The following MYPOP variants were observed in gnomAD, a reference collection of about 807,000 sequenced individuals.
The protein encoded by MYPOP is Myb related transcription factor, partner of profilin, also known as myb-related transcription factor, partner of profilin.
MYPOP carries 21 observed loss-of-function variants against 25.7 expected under a neutral mutation model. The observed-to-expected ratio is 0.82, with a 90% CI of 0.58 to 1.18. MYPOP has a LOEUF of 1.18. MYPOP is among the 50% of genes most tolerant of loss of function. The pLI is 0.00. For missense variants in MYPOP, 566 were observed against 588.3 expected (o/e 0.96, Z 0.39); for synonymous variants, 280 against 247.9 (o/e 1.13, Z -1.22).
intron 2 of MYPOP, 116 bp from the exon 3 acceptor site, chr19:45,891,439 C>G: frequency 8.1e-7 from 1 of 1,227,468 alleles, no homozygotes; most frequent in Admixed American, 3.2e-5. Context: ...ATCCTTCTCA[C>G]CCCCGCCCCC....
rs999018112 is a variant in MYPOP, at chr19:45,901,174, G to A, written c.499+101C>T. The stretch of plus-strand genomic sequence containing the variant: ...AGTTTCCCTAGCTATAAAATGGGGC[G>A]AAGGACAGCATCCACCTCACAGGGC... On this transcript the variant is annotated intron_variant, in intron 2 of 2. Coordinates refer to ENST00000322217, the MANE Select transcript of MYPOP (RefSeq NM_001012643.4). This position sits in a 1 kb window ranked among gnomAD's most constrained non-coding sequence, Gnocchi z 5.7. 4 of 1,143,758 alleles carry A rather than the reference G, an allele frequency of 3.5e-6. No homozygotes were observed. The highest frequency in any genetic ancestry group is 1.6e-5 in the African/African-American group (1 of 61,674). The allele number at this position is 1,143,758 out of a possible 1,614,324, so 70.9% of individuals were successfully genotyped here. A position where few individuals can be genotyped will look rare whatever the true frequency, so the allele number is the denominator to read the frequency against.
chr19:45,892,282 G>A (rs1232414725), intron 2 of MYPOP, among the ~76,000 whole-genome samples: 1 of 152,192 alleles, frequency 6.6e-6, no homozygotes, highest in African/African-American at 2.4e-5. Flanking sequence ...GCTGGATCCT[G>A]AGGAAGTGAG....
intron 2 of MYPOP, among the ~76,000 whole-genome samples, chr19:45,892,838 C>T (rs1568642215): frequency 6.6e-6 from 1 of 152,240 alleles, no homozygotes; most frequent in Non-Finnish European, 1.5e-5. Flanking sequence ...GGGCTCTCTG[C>T]TTCCACCCCT....
Position 45,890,967 on chromosome 19 carries a change from T to A in MYPOP, c.856A>T (p.Lys286Ter). 1 of 1,487,194 alleles carries A rather than the reference T, an allele frequency of 6.7e-7. No homozygotes were observed. The allele number at this position is 1,487,194 out of a possible 1,614,324, so 92.1% of individuals were successfully genotyped here. Residue 286 changes from lysine to a stop codon, truncating the protein, a stop_gained, in exon 3 of 3, where the codon AAA (lysine) becomes TAA (stop). Transcript: ENST00000322217. LOFTEE classifies it high-confidence loss of function. ...AGAGCGCTGAGGGCCTCGCTCAGTT[T>A]GGCCAGTCCCTGTCGAAGGGTGCCG... ...LAGTLRQGLA[K>*]LSEALSALLP...
Position 45,891,040 on chromosome 19 carries a change from G to A in MYPOP, c.783C>T (p.Asp261=). The A allele has an allele frequency of 6.6e-7, 1 of 1,520,152 alleles. No homozygotes were observed. Among genetic ancestry groups the A allele is most frequent in the African/African-American group, 1.4e-5 (1 of 71,608 alleles). 94.2% of individuals were successfully genotyped at this position (1,520,152 alleles called of 1,614,324 possible). A position where few individuals can be genotyped will look rare whatever the true frequency, so the allele number is the denominator to read the frequency against. The change falls in exon 3 of 3, where the codon GAC becomes GAT. Residue 261 remains aspartate, a synonymous_variant. Transcript: ENST00000322217. ...CAGTCTCCTGCTGGGCCCGCAGGAAGTCCAGGGAGGGGTCTGAGGCCGAGA... is the reference window on the plus strand; with the variant it reads ...CAGTCTCCTGCTGGGCCCGCAGGAAATCCAGGGAGGGGTCTGAGGCCGAGA... ...PTLSASDPSL[D]FLRAQQETAN...
chr19:45,901,662 G>C lies in MYPOP; in HGVS notation c.112C>G (p.Gln38Glu). The C allele has an allele frequency of 1.2e-6, 2 of 1,609,624 alleles. No individual in the cohort carries two copies. The highest frequency in any genetic ancestry group is 2.2e-5 in the East Asian group (1 of 44,720). Reference sequence around the variant, plus strand: ...CGACGGCTCTGCGCGCCGTAGAGCTGCGGGTAGTGGGCGCGCACCTCGCGG... The same window carrying C: ...CGACGGCTCTGCGCGCCGTAGAGCTCCGGGTAGTGGGCGCGCACCTCGCGG... ...LIREVRAHYPQLYGAQSRRVS... is the reference protein window; with the variant it reads ...LIREVRAHYPELYGAQSRRVS... The change falls in exon 2 of 3, where the codon CAG becomes GAG. Residue 38 changes from glutamine (Q) to glutamate (E), a missense_variant. By Grantham distance (29) the Gln-to-Glu change is conservative. Coordinates refer to ENST00000322217, the MANE Select transcript of MYPOP (RefSeq NM_001012643.4). The surrounding 1 kb of genome is among the most constrained non-coding windows in gnomAD (Gnocchi z 5.7).
Position 45,891,467 on chromosome 19 carries a change from T to C in MYPOP, c.500-144A>G, listed in dbSNP as rs1213491551. On this transcript the variant is annotated intron_variant, in intron 2 of 2. Coordinates refer to ENST00000322217, the MANE Select transcript of MYPOP (RefSeq NM_001012643.4). ...CCGCCCCCCAGCCCCAAGACAGTCT[T>C]GGTCTGTCACCCAGGCTGTAGTGCA... The C allele has an allele frequency of 4.0e-6, 4 of 1,005,606 alleles. No homozygotes were observed. In the African/African-American group the frequency reaches 5.2e-5, roughly 13 times the overall value. 62.3% of individuals were successfully genotyped at this position (1,005,606 alleles called of 1,614,324 possible). A position where few individuals can be genotyped will look rare whatever the true frequency, so the allele number is the denominator to read the frequency against.
chr19:45,890,479 A>G lies in MYPOP; in HGVS notation c.*144T>C. The G allele has an allele frequency of 9.7e-6, 13 of 1,339,232 alleles. No homozygotes were observed. Among genetic ancestry groups the G allele is most frequent in the South Asian group, 1.5e-5 (1 of 64,894 alleles). The allele number at this position is 1,339,232 out of a possible 1,614,324, so 83.0% of individuals were successfully genotyped here. On this transcript the variant is annotated 3_prime_UTR_variant, in exon 3 of 3. Coordinates refer to ENST00000322217, the MANE Select transcript of MYPOP (RefSeq NM_001012643.4). ...TTACTGAGGCCCCCCCCAGAGAATC[A>G]GGCACTAACTAGCACAGGGAGTGGG...
chr19:45,892,574 C>T (rs1039552243), intron 2 of MYPOP, among the ~76,000 whole-genome samples: 13 of 152,138 alleles, frequency 8.5e-5, no homozygotes, highest in South Asian at 4.1e-4. Flanking sequence ...CTCACTTGCT[C>T]GGAGCTGGGC....
At chr19:45,899,286 T>C (rs1228030513) in intron 2 of MYPOP, among the ~76,000 whole-genome samples, 1 of 152,102 alleles carries the variant, frequency 6.6e-6, no homozygotes, top group African/African-American at 2.4e-5. Context: ...GGAAGGGGAT[T>C]TTGTCTTTTT....
At chr19:45,895,255 CT>C (rs1369074220) in intron 2 of MYPOP, among the ~76,000 whole-genome samples, 42 of 150,540 alleles carry the variant, frequency 2.8e-4, no homozygotes, top group Admixed American at 2.8e-3. Context: ...TACTTCTTTT[CT>C]TTTTTTTGAG....
Position 45,901,823 on chromosome 19 carries a change from G to C in MYPOP, c.-50C>G. The C allele has an allele frequency of 7.5e-7, 1 of 1,335,738 alleles. No individual in the cohort carries two copies. Among genetic ancestry groups the C allele is most frequent in the South Asian group, 1.8e-5 (1 of 55,324 alleles). 82.7% of individuals were successfully genotyped at this position (1,335,738 alleles called of 1,614,324 possible). ...GCCGTCTGGCGCATGGGGGGCGCCGGCGCTGCGGGCAAAGGGCGCACGGGG... is the reference window on the plus strand; with the variant it reads ...GCCGTCTGGCGCATGGGGGGCGCCGCCGCTGCGGGCAAAGGGCGCACGGGG... On this transcript the variant is annotated splice_region_variant and 5_prime_UTR_variant, in exon 2 of 3. Coordinates refer to ENST00000322217, the MANE Select transcript of MYPOP (RefSeq NM_001012643.4). The surrounding 1 kb of genome is among the most constrained non-coding windows in gnomAD (Gnocchi z 5.7).
At chr19:45,899,834 C>G (rs12462381) in intron 2 of MYPOP, among the ~76,000 whole-genome samples, 31,382 of 152,108 alleles carry the variant, frequency 0.21, 4,130 homozygotes, top group Non-Finnish European at 0.26. Context: ...GAGCAAGACT[C>G]CGTCTCAAAA....
At chr19:45,898,734 T>A (rs1028577967) in intron 2 of MYPOP, among the ~76,000 whole-genome samples, 4 of 152,108 alleles carry the variant, frequency 2.6e-5, no homozygotes, top group African/African-American at 9.7e-5. Context: ...CAGATGTCTG[T>A]CAGGCCTACT....
At position 45,901,255 on chromosome 19, in the gene MYPOP, C is replaced by T. The variant is rs1371232657; in HGVS notation, c.499+20G>A. ...GGCTTGCAACAGCGCAGGCACACAGCCTACTCTGAAGACACTCACCTGCAC... is the reference window on the plus strand; with the variant it reads ...GGCTTGCAACAGCGCAGGCACACAGTCTACTCTGAAGACACTCACCTGCAC... On this transcript the variant is annotated intron_variant, in intron 2 of 2. Coordinates refer to ENST00000322217, the MANE Select transcript of MYPOP (RefSeq NM_001012643.4). The surrounding 1 kb of genome is among the most constrained non-coding windows in gnomAD (Gnocchi z 5.7). The T allele has an allele frequency of 2.2e-5, 32 of 1,433,092 alleles. No homozygotes were observed. The highest frequency in any genetic ancestry group is 2.7e-5 in the Non-Finnish European group (30 of 1,093,206). 88.8% of individuals were successfully genotyped at this position (1,433,092 alleles called of 1,614,324 possible).
chr19:45,898,511 C>CG (rs1967240545), intron 2 of MYPOP, among the ~76,000 whole-genome samples: 1 of 151,824 alleles, frequency 6.6e-6, no homozygotes, highest in South Asian at 2.1e-4. Context: ...TTAGTAGAGA[C>CG]GGGGTTTCTC....
rs546191503 is a variant in MYPOP at position 45,894,209 on chromosome 19, T to G, written c.500-2886A>C. Among the ~76,000 whole-genome samples the G allele has an allele frequency of 6.2e-5, 9 of 145,098 alleles. No individual in the cohort carries two copies. The South Asian group carries it at 1.8e-3, about 28-fold the overall frequency. ...CTCACTGCAAGCTCTGTCTCCTGGG[T>G]TCACACCATTCTCCTGCCTCAGCCT... is the stretch of plus-strand genomic sequence containing the variant. On this transcript the variant is annotated intron_variant, in intron 2 of 2. Transcript: ENST00000322217.
chr19:45,893,753 T>C (rs546825964), intron 2 of MYPOP, among the ~76,000 whole-genome samples: 1 of 151,694 alleles, frequency 6.6e-6, no homozygotes, highest in Admixed American at 6.6e-5. Flanking sequence ...CTGAATATAC[T>C]AAAAGCCATT....
Position 45,890,350 on chromosome 19 carries a change from T to G in MYPOP, c.*273A>C. On this transcript the variant is annotated 3_prime_UTR_variant, in exon 3 of 3. Coordinates refer to ENST00000322217, the MANE Select transcript of MYPOP (RefSeq NM_001012643.4). ...CGAGAGGTTCCCTCCCCACCCCACATAGGGCAATAATAAATAACATGAAAT... is the reference window on the plus strand; with the variant it reads ...CGAGAGGTTCCCTCCCCACCCCACAGAGGGCAATAATAAATAACATGAAAT... The G allele has an allele frequency of 6.6e-5, 24 of 361,422 alleles. No homozygotes were observed. The highest frequency in any genetic ancestry group is 1.0e-4 in the East Asian group (2 of 19,576). 22.4% of individuals were successfully genotyped at this position (361,422 alleles called of 1,614,324 possible).
Sources: allele counts gnomAD v4.1 joint callset (sites outside exome capture counted in the v4.1 genomes callset), GRCh38; gene constraint gnomAD v4.1.1; non-coding constraint Gnocchi (gnomAD v3.1); transcripts MANE v1.5; gene names NCBI Gene and HGNC (gene_info 2026-07-23, HGNC 2026-07-21).